Variants in TENM2 observed in about 807,000 individuals in gnomAD.
The protein encoded by TENM2 is teneurin transmembrane protein 2, also known as teneurin-2.
Under a neutral mutation model 245.2 loss-of-function variants are expected in TENM2, and 52 were observed. That is an observed-to-expected ratio of 0.21 (90% confidence interval 0.17 to 0.27). The LOEUF (loss-of-function observed/expected upper bound fraction) is 0.27. TENM2 is among the 10% of genes least tolerant of loss of function. The pLI is 1.00. For synonymous variants in TENM2, 1,363 were observed against 1,438.9 expected (o/e 0.95, Z 1.19); for missense variants, 3,046 against 3,666.8 (o/e 0.83, Z 4.37).
chr5:167,058,251 A>C, the TENM2 span, among the ~76,000 whole-genome samples: 1 of 152,274 alleles, frequency 6.6e-6, no homozygotes, highest in African/African-American at 2.4e-5. Flanking sequence ...AAGTTTTGAG[A>C]GTAGAGTCTA....
intron 1 of TENM2, among the ~76,000 whole-genome samples, chr5:167,361,910 T>C (rs1759740529): frequency 6.6e-6 from 1 of 152,194 alleles, no homozygotes; most frequent in Non-Finnish European, 1.5e-5. Flanking sequence ...TGATTACTTA[T>C]AGCACCACTC....
chr5:167,999,565 G>A (rs909732314), intron 5 of TENM2, among the ~76,000 whole-genome samples: 2 of 152,182 alleles, frequency 1.3e-5, no homozygotes, highest in African/African-American at 2.4e-5. Context: ...ATCACCTAGC[G>A]GCCATGTGGC....
chr5:167,746,264 G>A (rs9313387), intron 2 of TENM2, among the ~76,000 whole-genome samples: 30,485 of 152,042 alleles, frequency 0.2, 3,852 homozygotes, highest in African/African-American at 0.35. Context: ...GCCATACTAG[G>A]GAGTGTTGCC....
chr5:167,952,558 G>A (rs776823973), intron 3 of TENM2, 30 bp from the exon 6 acceptor site: 8 of 1,556,250 alleles, frequency 5.1e-6, no homozygotes, highest in South Asian at 2.3e-5. Context: ...ATTTGCAGAC[G>A]CTAACAGTCA....
intron 2 of TENM2, among the ~76,000 whole-genome samples, chr5:167,463,842 T>C (rs1766480051): frequency 6.6e-6 from 1 of 152,232 alleles, no homozygotes; most frequent in African/African-American, 2.4e-5. Flanking sequence ...ATTTAAACTT[T>C]GCAAGAGTGT....
At chr5:167,350,707 T>TATATATATGGGATATATACATATGG (rs1758809624) in intron 1 of TENM2, among the ~76,000 whole-genome samples, 1 of 105,080 alleles carries the variant, frequency 9.5e-6, no homozygotes, top group Non-Finnish European at 1.9e-5. Context: ...CATATATGGA[T>TATATATATGGGATATATACATATGG]ATATATATAT....
At chr5:167,233,399 G>A in the TENM2 span, among the ~76,000 whole-genome samples, 3 of 151,950 alleles carry the variant, frequency 2.0e-5, no homozygotes, top group African/African-American at 7.3e-5. Flanking sequence ...CTATCAAGCA[G>A]GAAACAAGTT....
At chr5:168,118,395 G>T (rs765360715) in exon 10 of TENM2, 22 of 1,611,476 alleles carry the variant, frequency 1.4e-5, no homozygotes, top group Middle Eastern at 3.3e-4. Context: ...CCATGAATCA[G>T]TGCATCGATC....
intron 13 of TENM2, among the ~76,000 whole-genome samples, chr5:168,174,524 C>T (rs1759159872): frequency 6.6e-6 from 1 of 152,172 alleles, no homozygotes; most frequent in East Asian, 1.9e-4. Context: ...TGGCTGGGCC[C>T]CACCCTCAGA....
chr5:167,974,011 G>GAAGGAAAGAA (rs1204936316), intron 4 of TENM2, among the ~76,000 whole-genome samples: 7 of 83,490 alleles, frequency 8.4e-5, no homozygotes, highest in African/African-American at 4.0e-4. Flanking sequence ...AAGGGAGGGA[G>GAAGGAAAGAA]GGAGGGAGGG....
intron 2 of TENM2, among the ~76,000 whole-genome samples, chr5:167,395,093 A>C (rs2127372621): frequency 6.6e-6 from 1 of 151,042 alleles, no homozygotes; most frequent in Non-Finnish European, 1.5e-5. Context: ...TAGTATGGAC[A>C]TTTTAACAAC....
the TENM2 span, among the ~76,000 whole-genome samples, chr5:167,227,427 G>A: frequency 6.6e-6 from 1 of 152,112 alleles, no homozygotes; most frequent in South Asian, 2.1e-4. Context: ...ACCCTCTTGA[G>A]CGTTTCTTGT....
intron 2 of TENM2, among the ~76,000 whole-genome samples, chr5:167,864,116 G>C (rs188217661): frequency 1.3e-5 from 2 of 152,156 alleles, no homozygotes. Context: ...TACTGTGAGC[G>C]TGGGCAGCAT....
At chr5:168,026,075 T>A (rs1786599102) in intron 5 of TENM2, among the ~76,000 whole-genome samples, 1 of 151,004 alleles carries the variant, frequency 6.6e-6, no homozygotes, top group Non-Finnish European at 1.5e-5. Context: ...ATTTCTTTGC[T>A]CTTCTCAAGG....
At chr5:167,926,663 G>A (rs1047775784) in intron 3 of TENM2, among the ~76,000 whole-genome samples, 2 of 151,894 alleles carry the variant, frequency 1.3e-5, no homozygotes, top group Admixed American at 6.6e-5. Flanking sequence ...AGAGGTTGCA[G>A]TGAGCTGAGA....
At chr5:167,363,166 A>G (rs951292633) in intron 1 of TENM2, among the ~76,000 whole-genome samples, 3 of 152,230 alleles carry the variant, frequency 2.0e-5, no homozygotes, top group African/African-American at 7.2e-5. Flanking sequence ...TGAGCATTGA[A>G]TTGTTAGCCC....
the TENM2 span, among the ~76,000 whole-genome samples, chr5:167,029,045 A>C: frequency 1.3e-5 from 2 of 152,224 alleles, no homozygotes; most frequent in Non-Finnish European, 2.9e-5. Context: ...TAATAGCAAG[A>C]CATGAAAAAT....
intron 1 of TENM2, among the ~76,000 whole-genome samples, chr5:167,346,173 G>T (rs950170828): frequency 2.0e-5 from 3 of 152,152 alleles, no homozygotes; most frequent in African/African-American, 7.2e-5. Context: ...TACAGGAAAG[G>T]ATCTCAACCT....
At chr5:168,065,523 C>T (rs183730364) in intron 7 of TENM2, among the ~76,000 whole-genome samples, 18 of 152,180 alleles carry the variant, frequency 1.2e-4, no homozygotes, top group East Asian at 1.9e-4. Context: ...TAAACGAAAG[C>T]GCAATAGAAA....
Sources: gnomAD v4.1 joint callset for allele counts (sites outside exome capture counted in the v4.1 genomes callset) on GRCh38, gnomAD v4.1.1 for gene constraint, MANE v1.5 for transcripts, NCBI Gene and HGNC (gene_info 2026-07-23, HGNC 2026-07-21) for gene names.